CYP4F11: variants seen among roughly 807,000 people sequenced by gnomAD.
CYP4F11 encodes cytochrome P450 family 4 subfamily F member 11.
In CYP4F11, 79 loss-of-function variants were observed where a neutral mutation model predicts 62.2. That is an observed-to-expected ratio of 1.27 (90% CI 1.06 to 1.53). The LOEUF (loss-of-function observed/expected upper bound fraction) is 1.53. Ranked by LOEUF, CYP4F11 falls within the 40% of genes most tolerant of loss-of-function variation. CYP4F11 has a pLI of 0.00. For synonymous variants in CYP4F11, 290 were observed against 263.7 expected, an observed-to-expected ratio of 1.10 and a Z score of -0.97; for missense variants, 777 against 680.5, an observed-to-expected ratio of 1.14 and a Z score of -1.58.
intron 2 of CYP4F11, 62 bp downstream of exon 2, chr19:15,929,395 G>GT (rs1469154481): frequency 6.2e-7 from 1 of 1,606,846 alleles, no homozygotes; most frequent in Non-Finnish European, 8.5e-7. Flanking sequence ...CTTGGGGAGG[G>GT]GAGAGGCTAG....
intron 1 of CYP4F11, among the ~76,000 whole-genome samples, chr19:15,931,654 GA>G (rs2089724909): frequency 3.2e-5 from 2 of 62,644 alleles, no homozygotes; most frequent in Non-Finnish European, 2.9e-5. Context: ...GGAGAGGAAT[GA>G]GTGAGCGAGG....
chr19:15,926,264 C>T (rs1035583275), intron 4 of CYP4F11, among the ~76,000 whole-genome samples: 5 of 152,096 alleles, frequency 3.3e-5, no homozygotes, highest in South Asian at 4.2e-4. Flanking sequence ...TATGGCACCC[C>T]GTGGGATTTA....
chr19:15,915,562 G>T (rs184223596), intron 8 of CYP4F11, among the ~76,000 whole-genome samples: 2 of 152,072 alleles, frequency 1.3e-5, no homozygotes, highest in Admixed American at 1.3e-4. Flanking sequence ...CTCACAGGTT[G>T]CCTAAGTTAT....
At chr19:15,931,472 A>T (rs1366458611) in intron 1 of CYP4F11, among the ~76,000 whole-genome samples, 1 of 151,900 alleles carries the variant, frequency 6.6e-6, no homozygotes, top group Non-Finnish European at 1.5e-5. Flanking sequence ...AAAAAGATCC[A>T]AGCAGGCTGG....
In CYP4F11 at chr19:15,927,279, G is replaced by A. The variant is rs1277356129; in HGVS notation, c.458C>T (p.Pro153Leu). 1 of 1,614,016 alleles carries A rather than the reference G, an allele frequency of 6.2e-7. No homozygotes were observed. Among genetic ancestry groups the A allele is most frequent in the African/African-American group, 1.3e-5 (1 of 74,900 alleles). ...CTTCAAGATGTTGAAATGGAAGGCA[G>A]GCGTCAACATCCGACGGTGGCGGCT... is the stretch of plus-strand genomic sequence containing the variant. ...KWSRHRRMLT[P>L]AFHFNILKPY... The change falls in exon 4 of 12, where the codon CCT (proline) becomes CTT (leucine). Residue 153 changes from proline (P) to leucine (L), a missense_variant. Pro to Leu is a moderately conservative substitution (Grantham distance 98, BLOSUM62 -3). Coordinates refer to ENST00000402119, the MANE Select transcript of CYP4F11 (RefSeq NM_021187.4).
chr19:15,919,931 A>C (rs1378787383), intron 8 of CYP4F11, among the ~76,000 whole-genome samples: 1 of 152,194 alleles, frequency 6.6e-6, no homozygotes, highest in Non-Finnish European at 1.5e-5. Context: ...GGGAGGAAGA[A>C]AGAACAGGAA....
chr19:15,913,673 A>G lies in CYP4F11; in HGVS notation c.*59T>C, dbSNP rs1599368495. The G allele has an allele frequency of 6.4e-7, 1 of 1,571,982 alleles. No homozygotes were observed. Among genetic ancestry groups the G allele is most frequent in the Non-Finnish European group, 8.7e-7 (1 of 1,151,152 alleles). On this transcript the variant is annotated 3_prime_UTR_variant, in exon 12 of 12. Coordinates refer to ENST00000402119, the MANE Select transcript of CYP4F11 (RefSeq NM_021187.4). ...CTGGCTGTCAACGAGGCTCAAGCAGAGGTGTCAGCATAGTTTTGTTTCTGG... is the reference window on the plus strand; with the variant it reads ...CTGGCTGTCAACGAGGCTCAAGCAGGGGTGTCAGCATAGTTTTGTTTCTGG...
At position 15,927,192 on chromosome 19, in the gene CYP4F11, C is replaced by T. The variant is rs1260899658; in HGVS notation, c.525+20G>A. 4.3e-6 allele frequency: 7 copies of T among 1,611,080 alleles called. No homozygotes were observed. Among genetic ancestry groups the T allele is most frequent in the East Asian group, 2.2e-5 (1 of 44,864 alleles). ...TCTACCCCAAGGCTCCAGCTGGGAC[C>T]CAGAGTTCAAGGGACTCACGTGCAT... On this transcript the variant is annotated intron_variant, in intron 4 of 11. Transcript: ENST00000402119.
At chr19:15,930,163 G>A (rs2089700816) in intron 1 of CYP4F11, among the ~76,000 whole-genome samples, 3 of 152,194 alleles carry the variant, frequency 2.0e-5, no homozygotes, top group Admixed American at 1.3e-4. Context: ...TCCCCACCAG[G>A]AGCCACATCA....
intron 8 of CYP4F11, among the ~76,000 whole-genome samples, chr19:15,920,774 T>C (rs2089619726): frequency 6.6e-6 from 1 of 152,100 alleles, no homozygotes; most frequent in Non-Finnish European, 1.5e-5. Flanking sequence ...TGAGTTAAAA[T>C]TGAAGTTCTT....
intron 1 of CYP4F11, among the ~76,000 whole-genome samples, chr19:15,931,561 C>G (rs11491239): frequency 1.1e-4 from 7 of 61,596 alleles, no homozygotes; most frequent in South Asian, 1.2e-3. Flanking sequence ...AATGAGTGAG[C>G]GAGGAGAGGA....
intron 11 of CYP4F11, 22 bp downstream of exon 11, chr19:15,914,283 C>T (rs749759882): frequency 5.0e-6 from 8 of 1,612,182 alleles, no homozygotes; most frequent in Non-Finnish European, 5.1e-6. Flanking sequence ...CCATCTCTGC[C>T]TCAGACACAG....
At chr19:15,929,224 T>C (rs3765071) in intron 2 of CYP4F11, among the ~76,000 whole-genome samples, 84,311 of 151,988 alleles carry the variant, frequency 0.55, 23,805 homozygotes, top group Non-Finnish European at 0.61. Flanking sequence ...ATTGAGGCTT[T>C]TTGGAGCCCC....
intron 11 of CYP4F11, 125 bp downstream of exon 11, chr19:15,914,168 ATTCTGTGAACAG>A (rs2089562293): frequency 8.2e-7 from 1 of 1,212,124 alleles, no homozygotes; most frequent in Admixed American, 2.1e-5. Context: ...TCCCAAACCC[ATTCTGTGAACAG>A]TTGCCCATGA....
In CYP4F11 at chr19:15,923,962, G is replaced by C. The variant is rs186859935; in HGVS notation, c.768C>G (p.Phe256Leu). ...CGTGCACCAGGTGGCAGGCCCTGCG[G>C]AAGCGCTGCCCATCAGGAGTGAGAT... ...LYYLTPDGQR[F>L]RRACHLVHDF... The change falls in exon 6 of 12, where the codon TTC becomes TTG. Residue 256 changes from phenylalanine to leucine, a missense_variant. Physicochemically the swap from Phe to Leu is conservative, Grantham distance 22. Transcript: ENST00000402119. The C allele has an allele frequency of 3.7e-6, 6 of 1,614,222 alleles. No individual in the cohort carries two copies. In the East Asian group the frequency reaches 1.3e-4, roughly 36 times the overall value.
In CYP4F11 at chr19:15,913,226, A is replaced by AG. The variant is rs1464874314; in HGVS notation, c.*505dup. 2 of 163,130 alleles carry AG rather than the reference A, an allele frequency of 1.2e-5. No individual in the cohort carries two copies. Among genetic ancestry groups the AG allele is most frequent in the Non-Finnish European group, 2.7e-5 (2 of 73,456 alleles). The allele number at this position is 163,130 out of a possible 1,614,324, so 10.1% of individuals were successfully genotyped here. A position where few individuals can be genotyped will look rare whatever the true frequency, so the allele number is the denominator to read the frequency against. ...AGAGTCACAGAGAGAACGCACTGGG[A>AG]GGGGGAGAAACAGGGGTGGGAAGTT... On this transcript the variant is annotated 3_prime_UTR_variant, in exon 12 of 12. Coordinates refer to ENST00000402119, the MANE Select transcript of CYP4F11 (RefSeq NM_021187.4).
In CYP4F11 at chr19:15,919,521, T is replaced by TAGACAGAC. The variant is rs59363861; in HGVS notation, c.1115+2515_1115+2516insGTCTGTCT. 2.0e-3 allele frequency among the ~76,000 whole-genome samples: 294 copies of TAGACAGAC among 146,186 alleles called. 1 individual carries two copies. The highest frequency in any genetic ancestry group is 2.9e-3 in the Non-Finnish European group (193 of 65,646). On this transcript the variant is annotated intron_variant, in intron 8 of 11. Coordinates refer to ENST00000402119, the MANE Select transcript of CYP4F11 (RefSeq NM_021187.4). ...ATAGATAGATAGATAGATAGATAGA[T>TAGACAGAC]AGACAGATAGATAAGCAGACAGTTA...
chr19:15,931,510 C>A (rs1489300648), intron 1 of CYP4F11, among the ~76,000 whole-genome samples: 1 of 150,980 alleles, frequency 6.6e-6, no homozygotes, highest in Non-Finnish European at 1.5e-5. Flanking sequence ...GTGAGAAAGA[C>A]TTGGGATGGC....
rs115968491 is a variant in CYP4F11, at chr19:15,929,996, G to A, written c.199-395C>T. Among the ~76,000 whole-genome samples, 244 of 152,258 alleles carry A rather than the reference G, an allele frequency of 1.6e-3. 1 individual carries two copies. The highest frequency in any genetic ancestry group is 4.9e-3 in the African/African-American group (203 of 41,550). ...TTCTGGCTTGCAGATGCTATATCATGGGACTTCTTGTCCTCCATCATCACA... is the reference window on the plus strand; with the variant it reads ...TTCTGGCTTGCAGATGCTATATCATAGGACTTCTTGTCCTCCATCATCACA... On this transcript the variant is annotated intron_variant, in intron 1 of 11. Transcript: ENST00000402119.
Sources: allele counts gnomAD v4.1 joint callset (sites outside exome capture counted in the v4.1 genomes callset), GRCh38; gene constraint gnomAD v4.1.1; transcripts MANE v1.5; gene names NCBI Gene and HGNC (gene_info 2026-07-23, HGNC 2026-07-21).